COBLL1: variants seen among roughly 807,000 people sequenced by gnomAD.
COBLL1 encodes the protein cordon-bleu WH2 repeat protein like 1.
In COBLL1, 50 loss-of-function variants were observed where a neutral mutation model predicts 94.8. That is an observed-to-expected ratio of 0.53 (90% confidence interval 0.42 to 0.67). COBLL1 has a LOEUF of 0.67. Ranked by LOEUF, COBLL1 falls within the 30% of genes least tolerant of loss-of-function variation. COBLL1 has a pLI of 0.00. For missense variants in COBLL1, 1,362 were observed against 1,348.7 expected, an observed-to-expected ratio of 1.01 and a Z score of -0.15; for synonymous variants, 448 against 473.8, an observed-to-expected ratio of 0.95 and a Z score of 0.71.
intron 2 of COBLL1, among the ~76,000 whole-genome samples, chr2:164,774,489 T>A (rs1326263425): frequency 6.6e-6 from 1 of 152,208 alleles, no homozygotes; most frequent in Non-Finnish European, 1.5e-5. Flanking sequence ...TTTTCCAGAA[T>A]GTTCAAAATC....
rs758108961 is a variant in COBLL1 at position 164,705,083 on chromosome 2, A to G, written c.1019T>C (p.Val340Ala). The change falls in exon 8 of 14, where the codon GTG becomes GCG. Residue 340 changes from valine (V) to alanine (A), a missense_variant. Physicochemically the swap from Val to Ala is moderately conservative, Grantham distance 64. Transcript: ENST00000652658. The stretch of plus-strand genomic sequence containing the variant: ...GCTGAGCTGCAGTGAACCTGCCCTC[A>G]CTCTTCCTGCTTCACAGGGACTCTG... ...TDKSPCEAGR[V>A]RAGSLQLSSM... is the part of the protein sequence containing the mutation. 2 of 1,552,640 alleles carry G rather than the reference A, an allele frequency of 1.3e-6. No individual in the cohort carries two copies. The highest frequency in any genetic ancestry group is 1.2e-5 in the South Asian group (1 of 80,720).
At chr2:164,725,122 A>ACATATATATATATATATATATATATG (rs1685656296) in intron 5 of COBLL1, 1 of 86,674 alleles carries the variant, frequency 1.2e-5, no homozygotes. Context: ...ATATATATAT[A>ACATATATATATATATATATATATATG]TATATATATA....
chr2:164,698,563 A>G (rs1684071927), intron 11 of COBLL1, among the ~76,000 whole-genome samples: 1 of 151,828 alleles, frequency 6.6e-6, no homozygotes, highest in Non-Finnish European at 1.5e-5. Flanking sequence ...TTAAAACACC[A>G]TTGAGTATTT....
At chr2:164,822,729 ATATTATAT>A (rs1421706141) in intron 2 of COBLL1, among the ~76,000 whole-genome samples, 36 of 69,310 alleles carry the variant, frequency 5.2e-4, no homozygotes, top group African/African-American at 9.9e-4. Flanking sequence ...TGAAAAGATT[ATATTATAT>A]TATTATTATT....
chr2:164,781,690 G>A (rs1476956219), intron 2 of COBLL1, among the ~76,000 whole-genome samples: 1 of 152,098 alleles, frequency 6.6e-6, no homozygotes. Context: ...CTTTTCCACT[G>A]AACTAAAAGT....
At chr2:164,690,224 A>G (rs1683520942) in intron 13 of COBLL1, among the ~76,000 whole-genome samples, 1 of 152,144 alleles carries the variant, frequency 6.6e-6, no homozygotes, top group Admixed American at 6.6e-5. Context: ...AAGTTTGTAT[A>G]TTGTGAACTT....
chr2:164,749,898 C>A (rs984062536), intron 2 of COBLL1, among the ~76,000 whole-genome samples: 1 of 152,138 alleles, frequency 6.6e-6, no homozygotes, highest in Admixed American at 6.5e-5. Flanking sequence ...CACAGCCACT[C>A]AAGTCCTCTG....
Position 164,704,512 on chromosome 2 carries a change from T to A in COBLL1, c.1157A>T (p.Gln386Leu). The change falls in exon 9 of 14, where the codon CAG becomes CTG. Residue 386 changes from glutamine to leucine, a missense_variant. Coordinates refer to ENST00000652658, the MANE Select transcript of COBLL1 (RefSeq NM_001365672.2). The part of the protein sequence containing the change: ...SDENSRVTAL[Q>L]PVDGVPPDSA... ...GTCTGGAGGAACTCCATCTACTGGC[T>A]GTAAGGCTAAAGGAAAGAAGCAACA... is the stretch of plus-strand genomic sequence containing the variant. 6.2e-7 allele frequency: 1 copy of A among 1,612,546 alleles called. No individual in the cohort carries two copies. The highest frequency in any genetic ancestry group is 8.5e-7 in the Non-Finnish European group (1 of 1,178,594).
intron 3 of COBLL1, among the ~76,000 whole-genome samples, chr2:164,738,791 G>T (rs1338521029): frequency 6.6e-6 from 1 of 152,048 alleles, no homozygotes. Context: ...TCCAAAATTT[G>T]AAATGCTCCA....
intron 2 of COBLL1, among the ~76,000 whole-genome samples, chr2:164,761,828 C>T (rs148847019): frequency 0.014 from 2,135 of 152,266 alleles, 22 homozygotes; most frequent in Non-Finnish European, 0.023. Context: ...AACAGGATGT[C>T]CACAGGAACA....
intron 2 of COBLL1, among the ~76,000 whole-genome samples, chr2:164,759,698 G>A (rs1293129606): frequency 6.6e-6 from 1 of 152,080 alleles, no homozygotes; most frequent in Non-Finnish European, 1.5e-5. Context: ...CATATACAAA[G>A]AACTCTCTAA....
intron 2 of COBLL1, among the ~76,000 whole-genome samples, chr2:164,818,659 G>C (rs368776932): frequency 6.7e-6 from 1 of 148,224 alleles, no homozygotes; most frequent in African/African-American, 2.5e-5. Flanking sequence ...CATATATAGC[G>C]TATATGTACA....
intron 2 of COBLL1, among the ~76,000 whole-genome samples, chr2:164,838,744 T>C (rs1683441443): frequency 6.6e-6 from 1 of 152,192 alleles, no homozygotes; most frequent in African/African-American, 2.4e-5. Flanking sequence ...AGGAATTCTT[T>C]CCAACAGTAA....
intron 7 of COBLL1, among the ~76,000 whole-genome samples, chr2:164,715,820 G>T (rs1468599598): frequency 1.3e-5 from 2 of 151,916 alleles, no homozygotes; most frequent in African/African-American, 4.8e-5. Context: ...GCCCAGTGAA[G>T]ATCATTTCTT....
chr2:164,824,614 C>T (rs1466395934), intron 2 of COBLL1, among the ~76,000 whole-genome samples: 1 of 152,150 alleles, frequency 6.6e-6, no homozygotes, highest in Non-Finnish European at 1.5e-5. Context: ...TTAAAACCTA[C>T]ACTTTCCCAA....
chr2:164,836,799 A>G (rs1205714666), intron 2 of COBLL1, among the ~76,000 whole-genome samples: 1 of 152,198 alleles, frequency 6.6e-6, no homozygotes, highest in Non-Finnish European at 1.5e-5. Flanking sequence ...TACTTAATCA[A>G]TGATTCTCAA....
At chr2:164,778,436 G>T (rs541959786) in intron 2 of COBLL1, among the ~76,000 whole-genome samples, 48 of 152,224 alleles carry the variant, frequency 3.2e-4, no homozygotes, top group African/African-American at 1.1e-3. Flanking sequence ...TCAAAACCAT[G>T]TCTCTACTAA....
intron 2 of COBLL1, among the ~76,000 whole-genome samples, chr2:164,755,703 A>T (rs1346567038): frequency 6.6e-6 from 1 of 152,196 alleles, no homozygotes; most frequent in East Asian, 1.9e-4. Flanking sequence ...GTAGGTAATG[A>T]CAGGATTCTT....
chr2:164,831,004 A>G (rs1467852362), intron 2 of COBLL1, among the ~76,000 whole-genome samples: 1 of 152,360 alleles, frequency 6.6e-6, no homozygotes. Flanking sequence ...GACTGATATC[A>G]TAGGATCACA....
Sources: gnomAD v4.1 joint callset for allele counts (sites outside exome capture counted in the v4.1 genomes callset) on GRCh38, gnomAD v4.1.1 for gene constraint, MANE v1.5 for transcripts, NCBI Gene and HGNC (gene_info 2026-07-23, HGNC 2026-07-21) for gene names.